The following ANKRD26 variants were observed in gnomAD, a reference collection of about 807,000 sequenced individuals.
ANKRD26 encodes ankyrin repeat domain 26, also known as ankyrin repeat domain-containing protein 26.
A neutral mutation model predicts 208.7 loss-of-function variants in ANKRD26; 141 were observed. The observed-to-expected ratio is 0.68, with a 90% CI of 0.59 to 0.78. ANKRD26 has a LOEUF of 0.78. ANKRD26 is among the 30% of genes least tolerant of loss of function. The pLI is 0.00. For synonymous variants in ANKRD26, 636 were observed against 660.4 expected (o/e 0.96, Z 0.57); for missense variants, 1,889 against 1,938.7 (o/e 0.97, Z 0.48).
At chr10:27,064,104 T>C (rs1174538388) in intron 11 of ANKRD26, 23 bp from the exon 12 acceptor site, 6 of 1,487,492 alleles carry the variant, frequency 4.0e-6, no homozygotes, top group Non-Finnish European at 5.6e-6. Flanking sequence ...GTATCAATAA[T>C]GAGTTTCAAT....
chr10:27,020,267 C>T (rs1336237047), intron 29 of ANKRD26, among the ~76,000 whole-genome samples: 1 of 152,100 alleles, frequency 6.6e-6, no homozygotes, highest in African/African-American at 2.4e-5. Flanking sequence ...TCACCTCAAA[C>T]ATTTATCATT....
rs1261496520 is a variant in ANKRD26 at position 27,004,651 on chromosome 10, A to G, written c.*939T>C. ...TGATACTCCTGCCAAAAAATCATATAATCTAAATCTAATCACCATGAAACC... is the reference window on the plus strand; with the variant it reads ...TGATACTCCTGCCAAAAAATCATATGATCTAAATCTAATCACCATGAAACC... On this transcript the variant is annotated 3_prime_UTR_variant, in exon 34 of 34. Transcript: ENST00000376087. 6.6e-6 allele frequency: 1 copy of G among 152,158 alleles called. No individual in the cohort carries two copies. Among genetic ancestry groups the G allele is most frequent in the Non-Finnish European group, 1.5e-5 (1 of 68,014 alleles). 9.4% of individuals were successfully genotyped at this position (152,158 alleles called of 1,614,324 possible). A position where few individuals can be genotyped will look rare whatever the true frequency, so the allele number is the denominator to read the frequency against.
Position 27,093,296 on chromosome 10 carries a change from G to A in ANKRD26, c.531+53C>T. 3.9e-6 allele frequency: 6 copies of A among 1,542,862 alleles called. No homozygotes were observed. In the South Asian group the frequency reaches 5.7e-5, roughly 15 times the overall value. The stretch of plus-strand genomic sequence containing the variant: ...AAAACTAACCCTTACATATGTCACT[G>A]TTGAAACAAACGCATTTCAAATACT... On this transcript the variant is annotated intron_variant, in intron 3 of 33. Coordinates refer to ENST00000376087, the MANE Select transcript of ANKRD26 (RefSeq NM_014915.3).
chr10:27,047,733 AATAATAATTATTATT>A (rs2054504956), intron 17 of ANKRD26, among the ~76,000 whole-genome samples: 1 of 145,602 alleles, frequency 6.9e-6, no homozygotes. Flanking sequence ...TAATAATAAT[AATAATAATTATTATT>A]ATTATTATTA....
chr10:27,080,686 C>A (rs530098841), intron 6 of ANKRD26: 1 of 985,380 alleles, frequency 1.0e-6, no homozygotes, highest in Non-Finnish European at 1.2e-6. Flanking sequence ...CATCTCCAAC[C>A]TTTAAGTCTT....
the ANKRD26 span, among the ~76,000 whole-genome samples, chr10:26,947,802 G>A: frequency 7.2e-5 from 11 of 152,158 alleles, no homozygotes; most frequent in Admixed American, 7.2e-4. Context: ...TGGGATATAT[G>A]TGTACTCTCC....
At chr10:26,961,410 A>G in the ANKRD26 span, among the ~76,000 whole-genome samples, 2 of 152,230 alleles carry the variant, frequency 1.3e-5, no homozygotes, top group Non-Finnish European at 2.9e-5. Context: ...CATGACTTCC[A>G]TAGAGCAAAG....
chr10:27,047,988 T>C (rs1440707825), intron 17 of ANKRD26, among the ~76,000 whole-genome samples: 1 of 152,056 alleles, frequency 6.6e-6, no homozygotes, highest in Non-Finnish European at 1.5e-5. Flanking sequence ...GTGATCCACT[T>C]GCCTCGGCCT....
intron 9 of ANKRD26, among the ~76,000 whole-genome samples, chr10:27,070,445 TAA>T (rs1307340495): frequency 2.6e-5 from 4 of 152,198 alleles, no homozygotes; most frequent in Admixed American, 2.0e-4. Flanking sequence ...GTTGAAGATT[TAA>T]AAGTCTTCAA....
At chr10:26,951,013 C>CTTTTTTTTTTTTTTTTTTTTTTTTTT in the ANKRD26 span, among the ~76,000 whole-genome samples, 26 of 100,926 alleles carry the variant, frequency 2.6e-4, 4 homozygotes, top group African/African-American at 1.1e-3. Flanking sequence ...CTTTTCTTTT[C>CTTTTTTTTTTTTTTTTTTTTTTTTTT]TTTTTCTTTT....
chr10:27,021,709 TA>T (rs1261371247), intron 29 of ANKRD26, among the ~76,000 whole-genome samples: 2 of 152,222 alleles, frequency 1.3e-5, no homozygotes, highest in African/African-American at 4.8e-5. Flanking sequence ...AATAGTTTGT[TA>T]TTTTTTTGAC....
chr10:27,012,743 T>G, intron 32 of ANKRD26, 139 bp downstream of exon 32: 1 of 741,558 alleles, frequency 1.3e-6, no homozygotes, highest in Non-Finnish European at 2.2e-6. Flanking sequence ...AACCTAGACA[T>G]AGAGGTTGCA....
chr10:27,029,340 TC>T lies in ANKRD26; in HGVS notation c.3823del (p.Asp1275IlefsTer27). ...QIRNQLQEAQ[D>X]RHTEAVRCAE... ...ACATCTGACAGCTTCTGTATGTCGA[TC>T]CTGTGCTTCTTGCAACTAAAACAAA... On this transcript the variant is annotated frameshift_variant, in exon 26 of 34. Coordinates refer to ENST00000376087, the MANE Select transcript of ANKRD26 (RefSeq NM_014915.3). LOFTEE classifies it high-confidence loss of function. 1.2e-6 allele frequency: 2 copies of T among 1,612,606 alleles called. No homozygotes were observed. The highest frequency in any genetic ancestry group is 3.3e-4 in the Middle Eastern group (2 of 6,050).
chr10:27,075,465 A>G (rs1336021676), intron 9 of ANKRD26, among the ~76,000 whole-genome samples: 1 of 152,222 alleles, frequency 6.6e-6, no homozygotes, highest in Non-Finnish European at 1.5e-5. Context: ...GATAAAACAG[A>G]GTTTAAAGCA....
At chr10:26,966,308 G>A in the ANKRD26 span, among the ~76,000 whole-genome samples, 1 of 152,256 alleles carries the variant, frequency 6.6e-6, no homozygotes, top group Admixed American at 6.5e-5. Flanking sequence ...GCCATAAAAA[G>A]GAATGAGATC....
the ANKRD26 span, among the ~76,000 whole-genome samples, chr10:26,959,467 G>C: frequency 1.3e-5 from 2 of 152,108 alleles, no homozygotes; most frequent in African/African-American, 4.8e-5. Context: ...AGAAGTCCTT[G>C]ATTATGAGAA....
intron 18 of ANKRD26, among the ~76,000 whole-genome samples, chr10:27,045,816 AATT>A (rs2054423008): frequency 6.6e-6 from 1 of 152,214 alleles, no homozygotes; most frequent in African/African-American, 2.4e-5. Flanking sequence ...TGACACATTC[AATT>A]ATATTACAAT....
rs1370505780 is a variant in ANKRD26 at position 27,036,783 on chromosome 10, C to T, written c.2697+403G>A. Among the ~76,000 whole-genome samples the T allele has an allele frequency of 2.6e-5, 4 of 152,238 alleles. No homozygotes were observed. The East Asian group carries it at 7.7e-4, about 29-fold the overall frequency. The stretch of plus-strand genomic sequence containing the variant: ...AAAATATGTCACTGAACTGGCTGTA[C>T]TTTTCCTCCTTTCCTATGGGTAGAA... On this transcript the variant is annotated intron_variant, in intron 23 of 33. Transcript: ENST00000376087.
rs80064505 is a variant in ANKRD26, at chr10:27,071,805, G to A, written c.1078-4519C>T. ...TGGGAAGCCCGGCAATCCAGGCCAC[G>A]GGGAAGCCCTAACTCCCCCCGCGCT... On this transcript the variant is annotated intron_variant, in intron 9 of 33. Coordinates refer to ENST00000376087, the MANE Select transcript of ANKRD26 (RefSeq NM_014915.3). Among the ~76,000 whole-genome samples, 20 of 152,210 alleles carry A rather than the reference G, an allele frequency of 1.3e-4. No individual in the cohort carries two copies. The East Asian group carries it at 3.1e-3, about 24-fold the overall frequency.
Sources: allele counts gnomAD v4.1 joint callset (sites outside exome capture counted in the v4.1 genomes callset), GRCh38; gene constraint gnomAD v4.1.1; transcripts MANE v1.5; gene names NCBI Gene and HGNC (gene_info 2026-07-23, HGNC 2026-07-21).